The following TENM1 variants were observed in gnomAD, a reference collection of about 807,000 sequenced individuals.
TENM1 encodes the protein teneurin transmembrane protein 1.
TENM1 carries 35 observed loss-of-function variants against 174.8 expected under a neutral mutation model. That is an observed-to-expected ratio of 0.20 (90% CI 0.15 to 0.27). The LOEUF (loss-of-function observed/expected upper bound fraction) is 0.27. Ranked by LOEUF, TENM1 falls within the 10% of genes least tolerant of loss-of-function variation. The pLI, the probability that TENM1 is intolerant of heterozygous loss-of-function variation, is 1.00. For synonymous variants in TENM1, 781 were observed against 798.7 expected (o/e 0.98, Z 0.37); for missense variants, 1,633 against 2,130.1 (o/e 0.77, Z 4.59).
intron 31 of TENM1, 70 bp downstream of exon 34, chrX:124,382,600 A>G (rs1477488370): frequency 2.4e-5 from 25 of 1,022,853 alleles, no homozygotes; most frequent in Non-Finnish European, 3.1e-5. Context: ...ACATATGTAT[A>G]TATAATTTCT....
At chrX:124,896,992 G>A (rs182360514) in intron 1 of TENM1, among the ~76,000 whole-genome samples, 82 of 111,377 alleles carry the variant, frequency 7.4e-4, no homozygotes, top group Non-Finnish European at 1.2e-3. Context: ...ATGATGCAAC[G>A]AATTCCTTCT....
chrX:124,510,428 C>A (rs1401269497), intron 18 of TENM1, among the ~76,000 whole-genome samples: 2 of 112,139 alleles, frequency 1.8e-5, no homozygotes, highest in Non-Finnish European at 3.8e-5. Flanking sequence ...TGCCATGTAA[C>A]CCAAATGGCC....
chrX:125,176,853 C>T, the TENM1 span, among the ~76,000 whole-genome samples: 1 of 111,452 alleles, frequency 9.0e-6, no homozygotes, highest in Admixed American at 9.6e-5. Flanking sequence ...TGAATAATAA[C>T]TTCATGTACT....
chrX:124,617,175 G>T (rs757706446), intron 11 of TENM1, among the ~76,000 whole-genome samples: 13 of 111,844 alleles, frequency 1.2e-4, no homozygotes, highest in African/African-American at 4.2e-4. Context: ...TAAAACTTAA[G>T]GTGCTTGGTA....
At chrX:125,121,720 A>G in the TENM1 span, among the ~76,000 whole-genome samples, 1 of 112,023 alleles carries the variant, frequency 8.9e-6, no homozygotes, top group Non-Finnish European at 1.9e-5. Flanking sequence ...CATTTTTAAA[A>G]GAGTTCTGTT....
intron 5 of TENM1, among the ~76,000 whole-genome samples, chrX:124,686,140 A>G (rs2052359446): frequency 8.9e-6 from 1 of 111,909 alleles, no homozygotes; most frequent in South Asian, 3.7e-4. Context: ...GAACCTTCAA[A>G]GGAATATAAG....
chrX:124,601,070 G>A (rs1012012887), intron 11 of TENM1, among the ~76,000 whole-genome samples: 3 of 111,729 alleles, frequency 2.7e-5, no homozygotes, highest in Admixed American at 1.9e-4. Context: ...TGTTTCAGGG[G>A]AAAATTATTT....
chrX:124,804,198 G>A (rs2055530581), intron 3 of TENM1, among the ~76,000 whole-genome samples: 1 of 111,387 alleles, frequency 9.0e-6, no homozygotes, highest in Non-Finnish European at 1.9e-5. Context: ...ATTCATAATT[G>A]GTAGGACAAT....
chrX:124,585,749 C>CA, intron 11 of TENM1, among the ~76,000 whole-genome samples: 1 of 111,388 alleles, frequency 9.0e-6, no homozygotes, highest in African/African-American at 3.3e-5. Context: ...AATCCAGGAG[C>CA]TGGTTTTTTG....
Position 124,407,340 on chromosome X carries a change from T to C in TENM1, c.4983-851A>G, listed in dbSNP as rs139538279. 3.5e-3 allele frequency among the ~76,000 whole-genome samples: 388 copies of C among 111,262 alleles called. 4 individuals carry two copies. Among genetic ancestry groups the C allele is most frequent in the African/African-American group, 0.012 (367 of 30,646 alleles). ...TTATTGCCAATAGAACCATGAAAAA[T>C]AAACACTTCATTAAAAGTAAACACA... On this transcript the variant is annotated intron_variant, in intron 25 of 31. Transcript: ENST00000422452.
intron 1 of TENM1, among the ~76,000 whole-genome samples, chrX:124,941,917 A>G (rs918962237): frequency 8.9e-6 from 1 of 111,919 alleles, no homozygotes; most frequent in Non-Finnish European, 1.9e-5. Flanking sequence ...GGCAGCAGGC[A>G]AAAGAGAATG....
intron 3 of TENM1, among the ~76,000 whole-genome samples, chrX:124,756,265 A>C (rs200345921): frequency 0.083 from 7,569 of 91,006 alleles, 753 homozygotes; most frequent in African/African-American, 0.23. Context: ...GATACCCTTT[A>C]TTCCAGTTGA....
chrX:125,185,775 T>C, the TENM1 span, among the ~76,000 whole-genome samples: 1 of 112,157 alleles, frequency 8.9e-6, no homozygotes, highest in Non-Finnish European at 1.9e-5. Flanking sequence ...GCAGTCCTTA[T>C]ATGAACGAAT....
At chrX:125,041,711 G>T in the TENM1 span, among the ~76,000 whole-genome samples, 1,872 of 111,757 alleles carry the variant, frequency 0.017, 48 homozygotes, top group African/African-American at 0.057. Context: ...TTTTTATGAT[G>T]TTTTGGGGCT....
the TENM1 span, among the ~76,000 whole-genome samples, chrX:124,969,366 C>G: frequency 4.5e-5 from 5 of 112,050 alleles, no homozygotes; most frequent in African/African-American, 1.6e-4. Flanking sequence ...AAGACAAACT[C>G]TAAGTGACTT....
At chrX:124,563,026 C>T (rs1023817675) in intron 13 of TENM1, among the ~76,000 whole-genome samples, 1 of 111,583 alleles carries the variant, frequency 9.0e-6, no homozygotes, top group African/African-American at 3.3e-5. Flanking sequence ...GCTTGATGTA[C>T]GTAATATACT....
intron 11 of TENM1, among the ~76,000 whole-genome samples, chrX:124,590,897 T>C (rs2049720981): frequency 8.9e-6 from 1 of 112,386 alleles, no homozygotes; most frequent in South Asian, 3.7e-4. Flanking sequence ...AGTACTTGTT[T>C]TATGAATCTG....
chrX:124,848,097 T>C (rs1384956728), intron 3 of TENM1, among the ~76,000 whole-genome samples: 2 of 110,794 alleles, frequency 1.8e-5, no homozygotes, highest in Non-Finnish European at 3.8e-5. Context: ...ATTATCAACA[T>C]TCCCTGCTAT....
At chrX:124,996,914 TAAAGA>T in the TENM1 span, among the ~76,000 whole-genome samples, 1 of 110,890 alleles carries the variant, frequency 9.0e-6, no homozygotes, top group Non-Finnish European at 1.9e-5. Context: ...CCAAAGAAAT[TAAAGA>T]AAAGAGAGAA....
Sources: allele counts gnomAD v4.1 joint callset (sites outside exome capture counted in the v4.1 genomes callset), GRCh38; gene constraint gnomAD v4.1.1; transcripts MANE v1.5; gene names NCBI Gene and HGNC (gene_info 2026-07-23, HGNC 2026-07-21).